The following PIEZO1 variants were observed in gnomAD, a reference collection of about 807,000 sequenced individuals.
PIEZO1 encodes piezo-type mechanosensitive ion channel component 1.
In PIEZO1, 296 loss-of-function variants were observed where a neutral mutation model predicts 297.2. That is an observed-to-expected ratio of 1.00 (90% CI 0.91 to 1.10). The LOEUF (loss-of-function observed/expected upper bound fraction) is 1.10, where lower values mean the gene tolerates loss of function less well. PIEZO1 is among the 50% of genes least tolerant of loss of function. The pLI is 0.00. For missense variants in PIEZO1, 5,018 were observed against 3,455.5 expected (o/e 1.45, Z -11.34); for synonymous variants, 2,427 against 1,507.5 (o/e 1.61, Z -14.13).
intron 1 of PIEZO1, among the ~76,000 whole-genome samples, chr16:88,754,432 T>TGTCA (rs1452475164): frequency 6.6e-6 from 1 of 152,168 alleles, no homozygotes; most frequent in Non-Finnish European, 1.5e-5. Flanking sequence ...GTCAGATGCC[T>TGTCA]GAGCCCCCCT....
At chr16:88,742,199 A>C (rs1905723937) in intron 3 of PIEZO1, 101 bp downstream of exon 3, 1 of 1,502,416 alleles carries the variant, frequency 6.7e-7, no homozygotes, top group Non-Finnish European at 8.9e-7. Flanking sequence ...CCAGACATAA[A>C]TCAGGCTGAG....
chr16:88,715,406 G>A lies in PIEZO1; in HGVS notation c.*199C>T, dbSNP rs562297402. The A allele has an allele frequency of 2.0e-4, 191 of 978,224 alleles. 1 individual carries two copies. In the African/African-American group the frequency reaches 2.7e-3, roughly 14 times the overall value. The allele number at this position is 978,224 out of a possible 1,614,324, so 60.6% of individuals were successfully genotyped here. On this transcript the variant is annotated 3_prime_UTR_variant, in exon 51 of 51. Transcript: ENST00000301015. ...AAAAAACTCTACAGTACACGTGGGGGACGGCAGCGCCACGCAGGCCGTGGG... is the reference window on the plus strand; with the variant it reads ...AAAAAACTCTACAGTACACGTGGGGAACGGCAGCGCCACGCAGGCCGTGGG...
At chr16:88,761,460 G>A (rs538851287) in intron 1 of PIEZO1, among the ~76,000 whole-genome samples, 25 of 152,212 alleles carry the variant, frequency 1.6e-4, no homozygotes, top group Non-Finnish European at 2.6e-4. Flanking sequence ...GGCACGGCCC[G>A]AGGCAGAAGC....
At chr16:88,727,274 C>T in intron 23 of PIEZO1, 82 bp from the exon 24 acceptor site, 1 of 1,412,654 alleles carries the variant, frequency 7.1e-7, no homozygotes, top group African/African-American at 1.4e-5. Context: ...CCTCCCACCC[C>T]AGGCCTGTCG....
chr16:88,752,299 A>C (rs1245222361), intron 1 of PIEZO1, among the ~76,000 whole-genome samples: 1 of 152,046 alleles, frequency 6.6e-6, no homozygotes, highest in Non-Finnish European at 1.5e-5. Flanking sequence ...ACCAGGCAAC[A>C]CAGAGACCCC....
chr16:88,776,027 C>A (rs573500674), intron 1 of PIEZO1, among the ~76,000 whole-genome samples: 1 of 152,194 alleles, frequency 6.6e-6, no homozygotes, highest in East Asian at 1.9e-4. Flanking sequence ...GTGGGGCAGT[C>A]GGGGCCTCAG....
chr16:88,722,570 C>G lies in PIEZO1; in HGVS notation c.4775+13G>C, dbSNP rs752781002. 15 of 1,514,768 alleles carry G rather than the reference C, an allele frequency of 9.9e-6. No individual in the cohort carries two copies. The South Asian group carries it at 1.4e-4, about 15-fold the overall frequency. The allele number at this position is 1,514,768 out of a possible 1,614,324, so 93.8% of individuals were successfully genotyped here. On this transcript the variant is annotated intron_variant, in intron 35 of 50. Transcript: ENST00000301015. Reference sequence around the variant, plus strand: ...GGGGCAGCAGCTGGGGCTCGGGTCACCCCCGCACCTACCTGGACACGGTGC... The same window carrying G: ...GGGGCAGCAGCTGGGGCTCGGGTCAGCCCCGCACCTACCTGGACACGGTGC...
In PIEZO1 at chr16:88,720,431, T is replaced by C; in HGVS notation, c.5903A>G (p.Asp1968Gly). ...AATGATGATGATGAAGTCGACAACA[T>C]CAGCCAGGAACATGAGGGCATAGAC... ...TDVYALMFLA[D>G]VVDFIIIIFG... is the part of the protein sequence containing the mutation. Residue 1968 changes from aspartate to glycine, a missense_variant, in exon 41 of 51, where the codon GAT becomes GGT. Physicochemically the swap from Asp to Gly is moderately conservative, Grantham distance 94. Transcript: ENST00000301015. 6.5e-7 allele frequency: 1 copy of C among 1,550,268 alleles called. No homozygotes were observed. The highest frequency in any genetic ancestry group is 1.4e-5 in the African/African-American group (1 of 73,056).
rs930463895 is a variant in PIEZO1 at position 88,738,636 on chromosome 16, C to T, written c.566G>A (p.Arg189Gln). ...TRRSRLAARFRVTAHWLLVAA... is the reference protein window; with the variant it reads ...TRRSRLAARFQVTAHWLLVAA... ...CACCAGCAGCCAGTGGGCCGTGACTCGGAAACGAGCGGCCAGCCGTGACCT... is the reference window on the plus strand; with the variant it reads ...CACCAGCAGCCAGTGGGCCGTGACTTGGAAACGAGCGGCCAGCCGTGACCT... Residue 189 changes from arginine (R) to glutamine (Q), a missense_variant, in exon 6 of 51, where the codon CGA (arginine) becomes CAA (glutamine). Coordinates refer to ENST00000301015, the MANE Select transcript of PIEZO1 (RefSeq NM_001142864.4). 11 of 1,535,708 alleles carry T rather than the reference C, an allele frequency of 7.2e-6. No individual in the cohort carries two copies. Among genetic ancestry groups the T allele is most frequent in the Middle Eastern group, 1.7e-4 (1 of 5,990 alleles).
At chr16:88,725,354 C>T (rs1243667461) in intron 29 of PIEZO1, 62 bp downstream of exon 29, 26 of 1,036,838 alleles carry the variant, frequency 2.5e-5, no homozygotes, top group Non-Finnish European at 3.0e-5. Context: ...ACGCAGCACA[C>T]GCCAGCAGGC....
chr16:88,726,521 C>A lies in PIEZO1; in HGVS notation c.3796+26G>T, dbSNP rs769556146. The stretch of plus-strand genomic sequence containing the variant: ...GGAGCAGGGGGCTTCCCCACGCCCT[C>A]CCCCGCCACCGTCCTGGCCACTCAC... On this transcript the variant is annotated intron_variant, in intron 26 of 50. Coordinates refer to ENST00000301015, the MANE Select transcript of PIEZO1 (RefSeq NM_001142864.4). 3.2e-6 allele frequency: 5 copies of A among 1,546,896 alleles called. No individual in the cohort carries two copies. The South Asian group carries it at 4.8e-5, about 15-fold the overall frequency.
intron 29 of PIEZO1, 110 bp from the exon 30 acceptor site, chr16:88,725,190 C>G (rs889921477): frequency 2.5e-6 from 2 of 805,984 alleles, no homozygotes; most frequent in Non-Finnish European, 3.8e-6. Context: ...ACACGGACAC[C>G]CACAGTGACG....
intron 1 of PIEZO1, among the ~76,000 whole-genome samples, chr16:88,759,833 T>C (rs1906845039): frequency 6.6e-6 from 1 of 152,078 alleles, no homozygotes; most frequent in African/African-American, 2.4e-5. Context: ...CTGCATGGCC[T>C]ACCACCCCAG....
At chr16:88,723,409 C>T (rs1904298622) in intron 31 of PIEZO1, 81 bp from the exon 32 acceptor site, 22 of 1,478,996 alleles carry the variant, frequency 1.5e-5, no homozygotes, top group East Asian at 9.9e-5. Context: ...GCAAGCCGGG[C>T]GCCAGATCCA....
intron 1 of PIEZO1, among the ~76,000 whole-genome samples, chr16:88,771,156 C>T (rs114443910): frequency 6.6e-6 from 1 of 152,186 alleles, no homozygotes; most frequent in African/African-American, 2.4e-5. Flanking sequence ...AAAAATCAAC[C>T]GTGCGAAAGG....
At chr16:88,748,182 C>T (rs2142859461) in intron 2 of PIEZO1, among the ~76,000 whole-genome samples, 1 of 152,348 alleles carries the variant, frequency 6.6e-6, no homozygotes, top group Middle Eastern at 3.4e-3. Flanking sequence ...AGTGGCTCTT[C>T]ACCCTCCAAA....
At chr16:88,742,613 G>T (rs1369017366) in intron 2 of PIEZO1, among the ~76,000 whole-genome samples, 191 bp from the exon 3 acceptor site, 1 of 152,206 alleles carries the variant, frequency 6.6e-6, no homozygotes, top group East Asian at 1.9e-4. Flanking sequence ...GGTCACTCTT[G>T]TCACAAGGAG....
Position 88,749,479 on chromosome 16 carries a change from G to C in PIEZO1, c.65C>G (p.Ala22Gly). 1.0e-5 allele frequency: 16 copies of C among 1,525,488 alleles called. No homozygotes were observed. The highest frequency in any genetic ancestry group is 1.4e-5 in the Non-Finnish European group (16 of 1,142,708). 94.5% of individuals were successfully genotyped at this position (1,525,488 alleles called of 1,614,324 possible). Residue 22 changes from alanine to glycine, a missense_variant and splice_region_variant, in exon 2 of 51, where the codon GCC (alanine) becomes GGC (glycine). By Grantham distance (60) the Ala-to-Gly change is moderately conservative. Coordinates refer to ENST00000301015, the MANE Select transcript of PIEZO1 (RefSeq NM_001142864.4). ...GAGTCCGCTGAAGCGGAGCAGGCAGGCTGCGGGGAGATGGGCGTTAACTAG... is the reference window on the plus strand; with the variant it reads ...GAGTCCGCTGAAGCGGAGCAGGCAGCCTGCGGGGAGATGGGCGTTAACTAG... ...WLLLPCALLAACLLRFSGLSL... is the reference protein window; with the variant it reads ...WLLLPCALLAGCLLRFSGLSL...
intron 1 of PIEZO1, among the ~76,000 whole-genome samples, chr16:88,752,621 T>C (rs979682918): frequency 2.0e-5 from 3 of 151,670 alleles, no homozygotes; most frequent in African/African-American, 4.8e-5. Context: ...GGGCTGAGGA[T>C]GGAGATGAGG....
Sources: gnomAD v4.1 joint callset for allele counts (sites outside exome capture counted in the v4.1 genomes callset) on GRCh38, gnomAD v4.1.1 for gene constraint, MANE v1.5 for transcripts, NCBI Gene and HGNC (gene_info 2026-07-23, HGNC 2026-07-21) for gene names.